Variants in ZNF217 observed in about 807,000 individuals in gnomAD.
ZNF217 encodes zinc finger protein 217.
ZNF217 carries 12 observed loss-of-function variants against 73.3 expected under a neutral mutation model. The observed-to-expected ratio is 0.16, with a 90% confidence interval of 0.10 to 0.27. ZNF217 has a LOEUF of 0.27. ZNF217 is among the 10% of genes least tolerant of loss of function. The probability of loss-of-function intolerance (pLI) is 1.00; values close to 1 mark genes in which losing one functional copy is unlikely to be tolerated. For synonymous variants in ZNF217, 588 were observed against 516.4 expected (o/e 1.14, Z -1.88); for missense variants, 1,195 against 1,327.8 (o/e 0.90, Z 1.55).
At position 53,582,975 on chromosome 20, in the gene ZNF217, C is replaced by T. The variant is rs1292150769; in HGVS notation, c.-149G>A. Reference sequence around the variant, plus strand: ...CAAAAGAAAGTGTATAGTCCTCTAACTTCTTCGAACTTTTAGGAAGCTCAG... The same window carrying T: ...CAAAAGAAAGTGTATAGTCCTCTAATTTCTTCGAACTTTTAGGAAGCTCAG... On this transcript the variant is annotated 5_prime_UTR_variant, in exon 2 of 6. Transcript: ENST00000371471. This position sits in a 1 kb window ranked among gnomAD's most constrained non-coding sequence, Gnocchi z 4.8. The T allele has an allele frequency of 1.3e-6, 1 of 792,312 alleles. No individual in the cohort carries two copies. The highest frequency in any genetic ancestry group is 1.9e-6 in the Non-Finnish European group (1 of 520,872). 49.1% of individuals were successfully genotyped at this position (792,312 alleles called of 1,614,324 possible). A position where few individuals can be genotyped will look rare whatever the true frequency, so the allele number is the denominator to read the frequency against.
rs368495235 is a variant in ZNF217, at chr20:53,575,721, C to T, written c.3037+6G>A. 416 of 1,560,068 alleles carry T rather than the reference C, an allele frequency of 2.7e-4. 2 individuals are homozygous for T. The highest frequency in any genetic ancestry group is 1.6e-3 in the Middle Eastern group (9 of 5,776). ...CCATTTAAACACGACGCCCCTCATG[C>T]AATACCTTCTAACGTCGAGCTGGAT... On this transcript the variant is annotated splice_donor_region_variant and intron_variant, in intron 4 of 5. Coordinates refer to ENST00000371471, the MANE Select transcript of ZNF217 (RefSeq NM_006526.3).
intron 5 of ZNF217, among the ~76,000 whole-genome samples, chr20:53,569,914 C>T (rs570505619): frequency 6.6e-6 from 1 of 152,234 alleles, no homozygotes; most frequent in African/African-American, 2.4e-5. Context: ...GAGCCAAGAT[C>T]GTGCCACTGC....
At chr20:53,588,544 CACTA>C (rs931313224) in intron 1 of ZNF217, among the ~76,000 whole-genome samples, 14 of 151,644 alleles carry the variant, frequency 9.2e-5, no homozygotes, top group African/African-American at 2.9e-4. Flanking sequence ...TCTTTACCTG[CACTA>C]ACTCTCTGTA....
At chr20:53,592,644 G>A (rs1988919838) in intron 1 of ZNF217, among the ~76,000 whole-genome samples, 1 of 151,014 alleles carries the variant, frequency 6.6e-6, no homozygotes, top group African/African-American at 2.4e-5. Context: ...CGCGCGCCCC[G>A]CGTGCCGGGT....
In ZNF217 at chr20:53,576,872, G is replaced by A. The variant is rs1988297283; in HGVS notation, c.1892C>T (p.Ala631Val). The A allele has an allele frequency of 1.2e-6, 2 of 1,614,186 alleles. No homozygotes were observed. The highest frequency in any genetic ancestry group is 1.3e-5 in the African/African-American group (1 of 75,032). ...AYLDLLKKRS[A>V]VETQANNLIC... is the part of the protein sequence containing the mutation. ...GAGGTTATTTGCCTGAGTTTCAACT[G>A]CTGATCTCTTTTTTAACAGGTCCAG... is the stretch of plus-strand genomic sequence containing the variant. Residue 631 changes from alanine (A) to valine (V), a missense_variant, in exon 4 of 6, where the codon GCA (alanine) becomes GTA (valine). Coordinates refer to ENST00000371471, the MANE Select transcript of ZNF217 (RefSeq NM_006526.3).
Position 53,577,123 on chromosome 20 carries a change from T to C in ZNF217, c.1641A>G (p.Leu547=), listed in dbSNP as rs1313542982. ...TTTTGGTTTGCGCACTGTCAGCGGT[T>C]AATAGTGCATCTTCAGTGTCCTGAT... The part of the protein sequence containing the change: ...GKNQDTEDAL[L]TADSAQTKNL... Residue 547 remains leucine (L), a synonymous_variant, in exon 4 of 6, where the codon TTA becomes TTG. Coordinates refer to ENST00000371471, the MANE Select transcript of ZNF217 (RefSeq NM_006526.3). The C allele has an allele frequency of 3.7e-6, 6 of 1,614,226 alleles. No homozygotes were observed. Among genetic ancestry groups the C allele is most frequent in the Non-Finnish European group, 4.2e-6 (5 of 1,180,042 alleles).
In ZNF217 at chr20:53,581,440, G is replaced by T. The variant is rs1307339202; in HGVS notation, c.1366+21C>A. ...GACAGACACAGGCGGAACAGCACGG[G>T]ACGGAGACAGGGCAGCTTACCCAGA... On this transcript the variant is annotated intron_variant, in intron 2 of 5. Coordinates refer to ENST00000371471, the MANE Select transcript of ZNF217 (RefSeq NM_006526.3). The surrounding 1 kb of genome is among the most constrained non-coding windows in gnomAD (Gnocchi z 4.9). The T allele has an allele frequency of 1.9e-6, 3 of 1,587,942 alleles. No individual in the cohort carries two copies. Among genetic ancestry groups the T allele is most frequent in the Non-Finnish European group, 2.6e-6 (3 of 1,164,882 alleles).
chr20:53,570,346 G>T (rs201449439), intron 5 of ZNF217: 11 of 153,016 alleles, frequency 7.2e-5, no homozygotes, highest in African/African-American at 2.7e-4. Flanking sequence ...TATGAGTCCC[G>T]ATGAAAATAT....
In ZNF217 at chr20:53,571,468, ATCTGC is replaced by A. The variant is rs913054059; in HGVS notation, c.*23+248_*23+252del. Among the ~76,000 whole-genome samples the A allele has an allele frequency of 1.0e-4, 13 of 129,364 alleles. No individual in the cohort carries two copies. In the Admixed American group the frequency reaches 1.2e-3, roughly 12 times the overall value. The allele number at this position is 129,364 out of a possible 152,430, so 84.9% of individuals were successfully genotyped here. A position where few individuals can be genotyped will look rare whatever the true frequency, so the allele number is the denominator to read the frequency against. ...CCCAGGCTAGACCTGCAGTGGCACA[ATCTGC>A]TCACTGCAACCTCCGCCTCCTGGGT... is the stretch of plus-strand genomic sequence containing the variant. On this transcript the variant is annotated intron_variant, in intron 5 of 5. Transcript: ENST00000371471.
Position 53,573,553 on chromosome 20 carries a change from G to A in ZNF217, c.3038-1700C>T, listed in dbSNP as rs575200449. ...TACTCACTGCAATCTGCGCATCCCC[G>A]GTTCAAGCGATTCTCATGCCTAAGC... On this transcript the variant is annotated intron_variant, in intron 4 of 5. Transcript: ENST00000371471. Among the ~76,000 whole-genome samples the A allele has an allele frequency of 9.9e-5, 15 of 152,254 alleles. No individual in the cohort carries two copies. The East Asian group carries it at 2.7e-3, about 27-fold the overall frequency.
chr20:53,587,286 C>T (rs570046687), intron 1 of ZNF217, among the ~76,000 whole-genome samples: 6 of 152,318 alleles, frequency 3.9e-5, no homozygotes, highest in African/African-American at 1.2e-4. Flanking sequence ...CTAAAGCTAC[C>T]ATGAATTCTA....
chr20:53,573,974 G>A (rs2145929661), intron 4 of ZNF217, among the ~76,000 whole-genome samples: 1 of 152,094 alleles, frequency 6.6e-6, no homozygotes, highest in Admixed American at 6.5e-5. Context: ...GGAGGCTGAG[G>A]TAGGAGAACT....
upstream of ZNF217, among the ~76,000 whole-genome samples, chr20:53,594,942 T>C (rs1600735628): frequency 2.0e-5 from 3 of 151,266 alleles, no homozygotes; most frequent in East Asian, 5.8e-4. Flanking sequence ...AGGGCTGGGC[T>C]TGCGCTATTC....
At chr20:53,597,041 C>A (rs1231967908), upstream of ZNF217, among the ~76,000 whole-genome samples, 15 of 136,536 alleles carry the variant, frequency 1.1e-4, no homozygotes, top group Non-Finnish European at 1.2e-4. Context: ...ATTTTCTATC[C>A]AGATCCTGCC....
Position 53,582,838 on chromosome 20 carries a change from G to GTTCCT in ZNF217, c.-13_-12insAGGAA. 1 of 1,575,726 alleles carries GTTCCT rather than the reference G, an allele frequency of 6.3e-7. No individual in the cohort carries two copies. Among genetic ancestry groups the GTTCCT allele is most frequent in the African/African-American group, 1.4e-5 (1 of 73,948 alleles). On this transcript the variant is annotated 5_prime_UTR_variant, in exon 2 of 6. Transcript: ENST00000371471. This position sits in a 1 kb window ranked among gnomAD's most constrained non-coding sequence, Gnocchi z 4.8. ...ACTTTCGATTGCATATAATCTCAAAGTTCCGTTGGGCAATTTCTGGAGTTG... is the reference window on the plus strand; with the variant it reads ...ACTTTCGATTGCATATAATCTCAAAGTTCCTTTCCGTTGGGCAATTTCTGGAGTTG...
intron 4 of ZNF217, among the ~76,000 whole-genome samples, chr20:53,573,120 G>A (rs1254932648): frequency 7.1e-6 from 1 of 141,092 alleles, no homozygotes; most frequent in Non-Finnish European, 1.5e-5. Flanking sequence ...AGTATCTGTA[G>A]TACTATTTTT....
chr20:53,593,313 C>T (rs1326347536), intron 1 of ZNF217, among the ~76,000 whole-genome samples: 2 of 152,150 alleles, frequency 1.3e-5, no homozygotes, highest in Non-Finnish European at 2.9e-5. Flanking sequence ...GGCCCTTCCC[C>T]GGGCATCGCG....
rs778984635 is a variant in ZNF217 at position 53,575,967 on chromosome 20, C to T, written c.2797G>A (p.Gly933Arg). ...SVVALDVDQP[G>R]ANYRRGYDLP... ...TCATAGCCTCTTCTGTAATTGGCCC[C>T]GGGCTGGTCAACGTCAAGGGCAACC... The change falls in exon 4 of 6, where the codon GGG becomes AGG. Residue 933 changes from glycine to arginine, a missense_variant. Physicochemically the swap from Gly to Arg is moderately radical, Grantham distance 125. Transcript: ENST00000371471. 6.2e-6 allele frequency: 10 copies of T among 1,614,186 alleles called. No individual in the cohort carries two copies. The Admixed American group carries it at 1.0e-4, about 16-fold the overall frequency.
Position 53,576,558 on chromosome 20 carries a change from T to C in ZNF217, c.2206A>G (p.Asn736Asp). Residue 736 changes from asparagine (N) to aspartate (D), a missense_variant, in exon 4 of 6, where the codon AAT becomes GAT. Coordinates refer to ENST00000371471, the MANE Select transcript of ZNF217 (RefSeq NM_006526.3). ...MMHQRLEHKYNPDVHKNCRNK... is the reference protein window; with the variant it reads ...MMHQRLEHKYDPDVHKNCRNK... ...CGACAGTTTTTATGAACGTCAGGAT[T>C]GTATTTATGCTCCAGTCTCTGGTGC... 1.2e-6 allele frequency: 2 copies of C among 1,614,250 alleles called. No individual in the cohort carries two copies. Among genetic ancestry groups the C allele is most frequent in the Admixed American group, 1.7e-5 (1 of 60,024 alleles).
Sources: gnomAD v4.1 joint callset for allele counts (sites outside exome capture counted in the v4.1 genomes callset) on GRCh38, gnomAD v4.1.1 for gene constraint, Gnocchi (gnomAD v3.1) non-coding constraint, MANE v1.5 for transcripts, NCBI Gene and HGNC (gene_info 2026-07-23, HGNC 2026-07-21) for gene names.